RBFOX3: variants seen among roughly 807,000 people sequenced by gnomAD.
The protein encoded by RBFOX3 is RNA binding fox-1 homolog 3, also known as RNA binding protein fox-1 homolog 3.
Under a neutral mutation model 48.7 loss-of-function variants are expected in RBFOX3, and 17 were observed. The observed-to-expected ratio is 0.35, with a 90% CI of 0.24 to 0.52. The LOEUF (loss-of-function observed/expected upper bound fraction) is 0.52. Ranked by LOEUF, RBFOX3 falls within the 20% of genes least tolerant of loss-of-function variation. The pLI is 0.94. For missense variants in RBFOX3, 382 were observed against 497.5 expected (o/e 0.77, Z 2.21); for synonymous variants, 212 against 209.5 (o/e 1.01, Z -0.10).
intron 4 of RBFOX3, among the ~76,000 whole-genome samples, chr17:79,124,998 C>T (rs972603552): frequency 3.3e-5 from 5 of 152,206 alleles, no homozygotes; most frequent in Non-Finnish European, 7.3e-5. Flanking sequence ...CCGGGCCTGG[C>T]GTGGTGATGG....
intron 4 of RBFOX3, among the ~76,000 whole-genome samples, chr17:79,170,138 GAGGGAAGGA>G (rs145800800): frequency 1.2e-4 from 14 of 121,302 alleles, no homozygotes; most frequent in South Asian, 6.5e-4. Flanking sequence ...AAGGAGGAAG[GAGGGAAGGA>G]AGGAAGGGAG....
chr17:79,475,019 A>G (rs2077530254), intron 2 of RBFOX3, among the ~76,000 whole-genome samples: 3 of 152,084 alleles, frequency 2.0e-5, no homozygotes, highest in Admixed American at 2.0e-4. Context: ...GCAAGACTCC[A>G]GTTTCTCTCT....
At chr17:79,530,458 G>A (rs2087561137) in intron 1 of RBFOX3, among the ~76,000 whole-genome samples, 1 of 151,966 alleles carries the variant, frequency 6.6e-6, no homozygotes. Flanking sequence ...CCTTTGTGCC[G>A]CAGCCCTGGG....
intron 2 of RBFOX3, among the ~76,000 whole-genome samples, chr17:79,454,345 G>A (rs563677588): frequency 1.4e-4 from 21 of 152,224 alleles, no homozygotes; most frequent in African/African-American, 4.8e-4. Flanking sequence ...CTGCCCCAGG[G>A]CCAGGTGGCT....
chr17:79,112,335 T>G (rs569157153), intron 5 of RBFOX3, among the ~76,000 whole-genome samples: 1 of 152,198 alleles, frequency 6.6e-6, no homozygotes, highest in East Asian at 1.9e-4. Context: ...GAGGGGTGCA[T>G]CCCACCTGGG....
chr17:79,090,547 A>T lies in RBFOX3; in HGVS notation c.*336T>A. 3.0e-6 allele frequency: 1 copy of T among 333,552 alleles called. No individual in the cohort carries two copies. The highest frequency in any genetic ancestry group is 5.5e-6 in the Non-Finnish European group (1 of 182,524). 20.7% of individuals were successfully genotyped at this position (333,552 alleles called of 1,614,324 possible). A position where few individuals can be genotyped will look rare whatever the true frequency, so the allele number is the denominator to read the frequency against. On this transcript the variant is annotated 3_prime_UTR_variant, in exon 15 of 15. Transcript: ENST00000693108. ...CTGGGAAAGGAAGACTGGATGGAAA[A>T]CAGAGCCCCCCACGGGTCCCACAAG...
chr17:79,101,283 C>G (rs1399355825), intron 9 of RBFOX3, among the ~76,000 whole-genome samples: 1 of 152,204 alleles, frequency 6.6e-6, no homozygotes, highest in African/African-American at 2.4e-5. Context: ...ACAGCTATCC[C>G]CCTGGATCAG....
chr17:79,611,175 C>CTCTCTCT (rs2093964804), upstream of RBFOX3, among the ~76,000 whole-genome samples: 2 of 3,162 alleles, frequency 6.3e-4, 1 homozygote, highest in South Asian at 0.026. Context: ...TCTCTCTCTC[C>CTCTCTCT]GCCCTCCTTC....
chr17:79,344,442 C>T (rs1816796910), intron 2 of RBFOX3, among the ~76,000 whole-genome samples: 1 of 152,140 alleles, frequency 6.6e-6, no homozygotes, highest in Admixed American at 6.5e-5. Context: ...AACAGCCACC[C>T]CCTACCAGAG....
At chr17:79,328,568 G>C (rs2079702346) in intron 2 of RBFOX3, among the ~76,000 whole-genome samples, 2 of 152,214 alleles carry the variant, frequency 1.3e-5, no homozygotes, top group South Asian at 4.1e-4. Flanking sequence ...AAACAGCACA[G>C]GTCTGGGTGG....
intron 3 of RBFOX3, among the ~76,000 whole-genome samples, chr17:79,304,909 G>A (rs2075886628): frequency 6.6e-6 from 1 of 152,144 alleles, no homozygotes; most frequent in Non-Finnish European, 1.5e-5. Flanking sequence ...TCGTGTCTGT[G>A]GGAGAACCAA....
intron 4 of RBFOX3, 120 bp from the exon 5 acceptor site, chr17:79,115,868 G>A (rs776846364): frequency 4.1e-5 from 22 of 538,994 alleles, no homozygotes; most frequent in Non-Finnish European, 5.6e-5. Flanking sequence ...GCCTTTCCCC[G>A]GCCCCTCCAA....
In RBFOX3 at chr17:79,214,889, T is replaced by C. The variant is rs2058822205; in HGVS notation, c.-34+20877A>G. Among the ~76,000 whole-genome samples the C allele has an allele frequency of 6.6e-6, 1 of 152,214 alleles. No homozygotes were observed. Among genetic ancestry groups the C allele is most frequent in the African/African-American group, 2.4e-5 (1 of 41,452 alleles). On this transcript the variant is annotated intron_variant, in intron 4 of 14. Transcript: ENST00000693108. This position sits in a 1 kb window ranked among gnomAD's most constrained non-coding sequence, Gnocchi z 4.7. Reference sequence around the variant, plus strand: ...AAAGCCTCATTCAGCTCACCCTGTTTGTTCTTTATTTCTCTGGCAATTACC... The same window carrying C: ...AAAGCCTCATTCAGCTCACCCTGTTCGTTCTTTATTTCTCTGGCAATTACC...
Position 79,169,516 on chromosome 17 carries a change from C to T in RBFOX3, c.-33-53768G>A, listed in dbSNP as rs561730743. ...CAGGACCCAGGACCCCGCCTGCCTCCGCCAGGGCTGCAAGCCCTCAGTGCA... is the reference window on the plus strand; with the variant it reads ...CAGGACCCAGGACCCCGCCTGCCTCTGCCAGGGCTGCAAGCCCTCAGTGCA... On this transcript the variant is annotated intron_variant, in intron 4 of 14. Coordinates refer to ENST00000693108, the MANE Select transcript of RBFOX3 (RefSeq NM_001350451.2). 1.8e-3 allele frequency among the ~76,000 whole-genome samples: 281 copies of T among 152,368 alleles called. 1 individual carries two copies. The highest frequency in any genetic ancestry group is 2.9e-3 in the Non-Finnish European group (198 of 68,028).
chr17:79,187,466 C>T (rs1406663709), intron 4 of RBFOX3, among the ~76,000 whole-genome samples: 5 of 152,186 alleles, frequency 3.3e-5, no homozygotes, highest in African/African-American at 7.2e-5. Flanking sequence ...TCGACAAATA[C>T]ATCGTGCTTT....
chr17:79,313,808 GAGCCC>G (rs964431448), intron 2 of RBFOX3, among the ~76,000 whole-genome samples: 7 of 152,322 alleles, frequency 4.6e-5, no homozygotes, highest in Admixed American at 3.3e-4. Context: ...CCAAGTTTCA[GAGCCC>G]AGGTCTTGAG....
the RBFOX3 span, among the ~76,000 whole-genome samples, chr17:79,620,945 C>T: frequency 2.0e-5 from 3 of 151,926 alleles, no homozygotes; most frequent in African/African-American, 7.3e-5. Flanking sequence ...TTCCTGGGGA[C>T]ATCCAGACAT....
In RBFOX3 at chr17:79,480,659, C is replaced by T. The variant is rs992187869; in HGVS notation, c.-175+1795G>A. 1.3e-5 allele frequency among the ~76,000 whole-genome samples: 2 copies of T among 152,168 alleles called. No homozygotes were observed. The highest frequency in any genetic ancestry group is 6.5e-5 in the Admixed American group (1 of 15,282). On this transcript the variant is annotated intron_variant, in intron 2 of 14. Coordinates refer to ENST00000693108, the MANE Select transcript of RBFOX3 (RefSeq NM_001350451.2). This position sits in a 1 kb window ranked among gnomAD's most constrained non-coding sequence, Gnocchi z 4.8. ...TGCCCACACGTTGCTGCCTCGGCGC[C>T]TTGGCACTGGCCATTCCCTCTGTCT...
At chr17:79,558,934 T>C (rs933993809) in intron 1 of RBFOX3, among the ~76,000 whole-genome samples, 2 of 152,042 alleles carry the variant, frequency 1.3e-5, no homozygotes, top group Admixed American at 6.5e-5. Context: ...CGTGGGCAGG[T>C]GCCCTCACAT....
Sources: gnomAD v4.1 joint callset for allele counts (sites outside exome capture counted in the v4.1 genomes callset) on GRCh38, gnomAD v4.1.1 for gene constraint, Gnocchi (gnomAD v3.1) non-coding constraint, MANE v1.5 for transcripts, NCBI Gene and HGNC (gene_info 2026-07-23, HGNC 2026-07-21) for gene names.